Variants in SIL1 observed in about 807,000 individuals in gnomAD.
The protein encoded by SIL1 is nucleotide exchange factor SIL1.
A neutral mutation model predicts 49.1 loss-of-function variants in SIL1; 40 were observed. That is an observed-to-expected ratio of 0.81 (90% CI 0.63 to 1.06). The LOEUF is 1.06. Ranked by LOEUF, SIL1 falls within the 50% of genes least tolerant of loss-of-function variation. The probability of loss-of-function intolerance (pLI) is 0.00; values close to 1 mark genes in which losing one functional copy is unlikely to be tolerated. For missense variants in SIL1, 500 were observed against 572.6 expected (o/e 0.87, Z 1.29); for synonymous variants, 253 against 250.8 (o/e 1.01, Z -0.08).
At chr5:139,140,402 G>T (rs1751057541) in intron 1 of SIL1, among the ~76,000 whole-genome samples, 1 of 152,194 alleles carries the variant, frequency 6.6e-6, no homozygotes. Flanking sequence ...ACAATACGAG[G>T]ATGGGTCACC....
chr5:139,103,486 T>A (rs778217222), intron 3 of SIL1, among the ~76,000 whole-genome samples: 1 of 152,232 alleles, frequency 6.6e-6, no homozygotes, highest in Non-Finnish European at 1.5e-5. Flanking sequence ...AGAGACTTGG[T>A]GTAGTACCTT....
intron 7 of SIL1, among the ~76,000 whole-genome samples, chr5:138,992,791 A>G (rs1327813609): frequency 6.6e-6 from 1 of 152,262 alleles, no homozygotes; most frequent in Non-Finnish European, 1.5e-5. Context: ...TGACAGGTGC[A>G]CCAAAATCTC....
At chr5:139,170,479 C>G (rs946894025) in intron 1 of SIL1, among the ~76,000 whole-genome samples, 3 of 150,302 alleles carry the variant, frequency 2.0e-5, no homozygotes, top group African/African-American at 7.4e-5. Context: ...TCTGCCCGGC[C>G]GCCCATCGTC....
Position 139,177,236 on chromosome 5 carries a change from TTTTATTTA to T in SIL1, c.-11+21025_-11+21032del, listed in dbSNP as rs536551541. Among the ~76,000 whole-genome samples the T allele has an allele frequency of 7.0e-5, 10 of 142,204 alleles. No homozygotes were observed. In the East Asian group the frequency reaches 1.1e-3, roughly 16 times the overall value. The allele number at this position is 142,204 out of a possible 152,430, so 93.3% of individuals were successfully genotyped here. ...CGTGAGCCACCACGCCTGGCCTTTA[TTTTATTTA>T]TTTATTTATTTATTTATTTGAGACT... is the stretch of plus-strand genomic sequence containing the variant. On this transcript the variant is annotated intron_variant, in intron 1 of 9. Transcript: ENST00000394817.
chr5:139,138,320 T>C (rs1310059716), intron 1 of SIL1, among the ~76,000 whole-genome samples: 1 of 152,206 alleles, frequency 6.6e-6, no homozygotes, highest in Non-Finnish European at 1.5e-5. Flanking sequence ...TGCCTAAGCA[T>C]ACCAGCAGTT....
At chr5:138,952,231 T>G (rs1157898293) in intron 7 of SIL1, among the ~76,000 whole-genome samples, 1 of 152,256 alleles carries the variant, frequency 6.6e-6, no homozygotes, top group Non-Finnish European at 1.5e-5. Flanking sequence ...GAAGCCTTTC[T>G]TGGCGCTTCC....
intron 7 of SIL1, among the ~76,000 whole-genome samples, chr5:138,963,606 T>TC (rs1158051289): frequency 6.6e-6 from 1 of 152,210 alleles, no homozygotes; most frequent in African/African-American, 2.4e-5. Flanking sequence ...ACATAACAAG[T>TC]CCCCAAAATA....
chr5:138,961,739 T>C (rs910089449), intron 7 of SIL1, among the ~76,000 whole-genome samples: 8 of 152,172 alleles, frequency 5.3e-5, no homozygotes, highest in African/African-American at 1.9e-4. Flanking sequence ...GGTGGCTCCC[T>C]GTTCCCTGCA....
chr5:139,029,988 C>T (rs1315094460), intron 5 of SIL1, among the ~76,000 whole-genome samples: 2 of 151,614 alleles, frequency 1.3e-5, no homozygotes, highest in Non-Finnish European at 2.9e-5. Flanking sequence ...AATTGTGACA[C>T]AGAGCAAGCA....
intron 7 of SIL1, among the ~76,000 whole-genome samples, chr5:138,966,736 C>T (rs1301232917): frequency 1.3e-5 from 2 of 152,182 alleles, no homozygotes; most frequent in South Asian, 2.1e-4. Flanking sequence ...ATCCTCATGA[C>T]AACTCAATGA....
At chr5:139,176,232 C>A (rs1200907978) in intron 1 of SIL1, among the ~76,000 whole-genome samples, 1 of 152,154 alleles carries the variant, frequency 6.6e-6, no homozygotes, top group Non-Finnish European at 1.5e-5. Flanking sequence ...CCATCTGAGG[C>A]ACCATTAGAA....
chr5:139,119,778 A>G (rs1371715482), intron 3 of SIL1, among the ~76,000 whole-genome samples: 2 of 152,140 alleles, frequency 1.3e-5, no homozygotes, highest in African/African-American at 4.8e-5. Flanking sequence ...TGAAAGTGAT[A>G]CAAGCAACAC....
intron 1 of SIL1, among the ~76,000 whole-genome samples, chr5:139,143,332 CACACACACACACATAT>C (rs1219111442): frequency 6.8e-4 from 62 of 90,602 alleles, no homozygotes; most frequent in African/African-American, 2.7e-3. Flanking sequence ...CACACACACA[CACACACACACACATAT>C]ATATATATAT....
At chr5:139,082,007 C>T (rs1770091588) in intron 3 of SIL1, among the ~76,000 whole-genome samples, 1 of 152,094 alleles carries the variant, frequency 6.6e-6, no homozygotes, top group Admixed American at 6.5e-5. Flanking sequence ...GGGAAGAGGG[C>T]AGAATTCTAA....
At chr5:139,125,777 G>T (rs564064387) in intron 2 of SIL1, among the ~76,000 whole-genome samples, 1 of 152,232 alleles carries the variant, frequency 6.6e-6, no homozygotes, top group Non-Finnish European at 1.5e-5. Flanking sequence ...CTTCCACAAG[G>T]CTCCACTACT....
rs565228726 is a variant in SIL1 at position 139,170,606 on chromosome 5, G to A, written c.-11+27663C>T. Among the ~76,000 whole-genome samples, 524 of 149,322 alleles carry A rather than the reference G, an allele frequency of 3.5e-3. 5 individuals are homozygous for A. Among genetic ancestry groups the A allele is most frequent in the African/African-American group, 0.013 (507 of 40,452 alleles). Reference sequence around the variant, plus strand: ...CGTCTCTGCCCGGCCGCCCCCATCTGAGAAGTGAGGAGACCCTCTGCCTGG... The same window carrying A: ...CGTCTCTGCCCGGCCGCCCCCATCTAAGAAGTGAGGAGACCCTCTGCCTGG... On this transcript the variant is annotated intron_variant, in intron 1 of 9. Coordinates refer to ENST00000394817, the MANE Select transcript of SIL1 (RefSeq NM_022464.5).
chr5:138,957,935 T>G (rs1053036969), intron 7 of SIL1, among the ~76,000 whole-genome samples: 20 of 151,970 alleles, frequency 1.3e-4, no homozygotes, highest in African/African-American at 4.6e-4. Context: ...TTTTTTTTTT[T>G]TGTAGATGGG....
At chr5:138,962,503 T>C (rs934725531) in intron 7 of SIL1, among the ~76,000 whole-genome samples, 1 of 152,242 alleles carries the variant, frequency 6.6e-6, no homozygotes, top group Admixed American at 6.5e-5. Context: ...AATATTTATC[T>C]CATGGGATTG....
intron 5 of SIL1, among the ~76,000 whole-genome samples, chr5:139,032,288 G>A (rs1768811101): frequency 6.6e-6 from 1 of 152,150 alleles, no homozygotes; most frequent in African/African-American, 2.4e-5. Context: ...ACTGAATATG[G>A]TCAAATGCTC....
Sources: allele counts gnomAD v4.1 joint callset (sites outside exome capture counted in the v4.1 genomes callset), GRCh38; gene constraint gnomAD v4.1.1; transcripts MANE v1.5; gene names NCBI Gene and HGNC (gene_info 2026-07-23, HGNC 2026-07-21).